Variants in PKN2 observed in about 807,000 individuals in gnomAD.
PKN2 encodes serine/threonine-protein kinase N2.
Under a neutral mutation model 119.1 loss-of-function variants are expected in PKN2, and 38 were observed. The observed-to-expected ratio is 0.32, with a 90% CI of 0.25 to 0.42. The LOEUF is 0.42. Ranked by LOEUF, PKN2 falls within the 10% of genes least tolerant of loss-of-function variation. The pLI, the probability that PKN2 is intolerant of heterozygous loss-of-function variation, is 1.00. For missense variants in PKN2, 850 were observed against 1,165.1 expected, an observed-to-expected ratio of 0.73 and a Z score of 3.94; for synonymous variants, 390 against 384.9, an observed-to-expected ratio of 1.01 and a Z score of -0.15.
chr1:88,794,807 A>G (rs1670994422), intron 8 of PKN2, among the ~76,000 whole-genome samples: 1 of 151,772 alleles, frequency 6.6e-6, no homozygotes, highest in South Asian at 2.1e-4. Context: ...TTCTCTATTT[A>G]CCCTAAAACC....
intron 8 of PKN2, among the ~76,000 whole-genome samples, chr1:88,798,427 A>G (rs998304525): frequency 1.2e-4 from 18 of 152,140 alleles, no homozygotes; most frequent in Non-Finnish European, 2.5e-4. Flanking sequence ...ATTTGCTTCA[A>G]ATAATTATGG....
chr1:88,829,473 G>A (rs1175030049), intron 19 of PKN2: 1 of 191,124 alleles, frequency 5.2e-6, no homozygotes, highest in Admixed American at 5.7e-5. Context: ...AAATGGTAGA[G>A]TTGAAAAAAT....
chr1:88,744,979 A>C (rs1342114000), intron 2 of PKN2, among the ~76,000 whole-genome samples: 4 of 152,284 alleles, frequency 2.6e-5, no homozygotes, highest in African/African-American at 9.6e-5. Flanking sequence ...TCATCTTCTA[A>C]ATACTTTAAA....
At chr1:88,749,785 TAGTA>T (rs1360861711) in intron 2 of PKN2, among the ~76,000 whole-genome samples, 1 of 152,212 alleles carries the variant, frequency 6.6e-6, no homozygotes, top group East Asian at 1.9e-4. Flanking sequence ...TATAGATAAA[TAGTA>T]AGCTAGTGAT....
chr1:88,745,272 A>G (rs1463735563), intron 2 of PKN2, among the ~76,000 whole-genome samples: 2 of 152,198 alleles, frequency 1.3e-5, no homozygotes, highest in African/African-American at 2.4e-5. Flanking sequence ...TAGAGCACTT[A>G]GGCAAGAAAA....
chr1:88,736,108 G>T (rs1443099657), intron 1 of PKN2, among the ~76,000 whole-genome samples: 1 of 151,948 alleles, frequency 6.6e-6, no homozygotes, highest in African/African-American at 2.4e-5. Flanking sequence ...GATAGATTCT[G>T]CTGTTGATAT....
rs1672824815 is a variant in PKN2, at chr1:88,833,689, C to T, written c.*241C>T. 2 of 418,924 alleles carry T rather than the reference C, an allele frequency of 4.8e-6. No individual in the cohort carries two copies. The highest frequency in any genetic ancestry group is 8.4e-6 in the Non-Finnish European group (2 of 236,734). 26.0% of individuals were successfully genotyped at this position (418,924 alleles called of 1,614,324 possible). A position where few individuals can be genotyped will look rare whatever the true frequency, so the allele number is the denominator to read the frequency against. ...TTTCATGGAGTTTAAGTTGAGTGAA[C>T]ATCGGCCATGAAAATCCATCACGAA... On this transcript the variant is annotated 3_prime_UTR_variant, in exon 22 of 22. Transcript: ENST00000370521.
At chr1:88,821,862 T>A in intron 16 of PKN2, 79 bp from the exon 17 acceptor site, 1 of 1,095,306 alleles carries the variant, frequency 9.1e-7, no homozygotes, top group Non-Finnish European at 1.3e-6. Flanking sequence ...ATAGGTCTGC[T>A]TTGAAGTATA....
chr1:88,704,195 ATT>A (rs1489410393), intron 1 of PKN2, among the ~76,000 whole-genome samples: 3 of 152,092 alleles, frequency 2.0e-5, no homozygotes, highest in Non-Finnish European at 4.4e-5. Flanking sequence ...CTATAGATGA[ATT>A]TGCCTTTTGT....
chr1:88,762,062 G>A (rs914469461), intron 3 of PKN2, among the ~76,000 whole-genome samples: 2 of 152,170 alleles, frequency 1.3e-5, no homozygotes, highest in African/African-American at 4.8e-5. Context: ...AGGGGTTTAT[G>A]AACCCTTTGA....
chr1:88,724,882 G>GT (rs60507382), intron 1 of PKN2, among the ~76,000 whole-genome samples: 5,662 of 105,940 alleles, frequency 0.053, 250 homozygotes, highest in African/African-American at 0.11. Flanking sequence ...CCACCCCTTG[G>GT]TTTTTTTTTT....
intron 1 of PKN2, among the ~76,000 whole-genome samples, chr1:88,703,462 TAGAG>T (rs1666853663): frequency 6.6e-6 from 1 of 152,166 alleles, no homozygotes; most frequent in Non-Finnish European, 1.5e-5. Flanking sequence ...AAGTGAGGCT[TAGAG>T]AGGTAAAGTT....
At chr1:88,791,689 A>G (rs1403887663) in intron 8 of PKN2, among the ~76,000 whole-genome samples, 1 of 152,180 alleles carries the variant, frequency 6.6e-6, no homozygotes, top group African/African-American at 2.4e-5. Context: ...TTCAACAGAA[A>G]AGAAGGAATG....
chr1:88,717,603 A>G (rs1361757668), intron 1 of PKN2, among the ~76,000 whole-genome samples: 1 of 151,794 alleles, frequency 6.6e-6, no homozygotes, highest in Non-Finnish European at 1.5e-5. Context: ...AAGCTTGTGC[A>G]TGCGTCACGT....
intron 2 of PKN2, among the ~76,000 whole-genome samples, chr1:88,745,882 C>T (rs1668747524): frequency 6.6e-6 from 1 of 152,082 alleles, no homozygotes; most frequent in African/African-American, 2.4e-5. Flanking sequence ...AAAATAGACT[C>T]ATTAACCAAT....
At chr1:88,727,203 A>T (rs1667933443) in intron 1 of PKN2, among the ~76,000 whole-genome samples, 5 of 134,938 alleles carry the variant, frequency 3.7e-5, no homozygotes, top group South Asian at 2.4e-4. Context: ...CTTTTCTTTG[A>T]AGTCTGCTTT....
At chr1:88,816,759 C>T (rs995174250) in intron 16 of PKN2, 23 of 152,140 alleles carry the variant, frequency 1.5e-4, no homozygotes, top group African/African-American at 5.3e-4. Context: ...ACAAGCCCCG[C>T]GTTTAAAAAT....
intron 8 of PKN2, among the ~76,000 whole-genome samples, chr1:88,787,110 G>A (rs188138674): frequency 6.6e-6 from 1 of 151,838 alleles, no homozygotes; most frequent in Non-Finnish European, 1.5e-5. Context: ...AGTAGTATAT[G>A]TAAAATACCT....
chr1:88,721,311 G>T (rs1452105454), intron 1 of PKN2, among the ~76,000 whole-genome samples: 2 of 151,776 alleles, frequency 1.3e-5, no homozygotes, highest in African/African-American at 4.8e-5. Flanking sequence ...TAAAATTATG[G>T]CCATTCTTGA....
Sources: allele counts gnomAD v4.1 joint callset (sites outside exome capture counted in the v4.1 genomes callset), GRCh38; gene constraint gnomAD v4.1.1; transcripts MANE v1.5; gene names NCBI Gene and HGNC (gene_info 2026-07-23, HGNC 2026-07-21).